FRY: variants seen among roughly 807,000 people sequenced by gnomAD.
FRY encodes FRY microtubule binding protein.
FRY carries 128 observed loss-of-function variants against 348.4 expected under a neutral mutation model. The ratio of observed to expected loss-of-function variants is 0.37; its 90% CI spans 0.32 to 0.43. The LOEUF (loss-of-function observed/expected upper bound fraction) is 0.43. FRY is among the 20% of genes least tolerant of loss of function. The probability of loss-of-function intolerance (pLI) is 1.00; values close to 1 mark genes in which losing one functional copy is unlikely to be tolerated. For missense variants in FRY, 2,736 were observed against 3,695.2 expected, an observed-to-expected ratio of 0.74 and a Z score of 6.73; for synonymous variants, 1,370 against 1,374.7, an observed-to-expected ratio of 1.00 and a Z score of 0.08.
At chr13:32,040,704 G>T (rs1246174119) in intron 1 of FRY, among the ~76,000 whole-genome samples, 1 of 152,162 alleles carries the variant, frequency 6.6e-6, no homozygotes, top group Non-Finnish European at 1.5e-5. Flanking sequence ...AATCTGAACA[G>T]GATTGTCTCC....
intron 2 of FRY, among the ~76,000 whole-genome samples, chr13:32,091,353 C>T (rs1451152099): frequency 2.0e-5 from 3 of 152,124 alleles, no homozygotes; most frequent in Admixed American, 1.3e-4. Context: ...AGTGGGGTGC[C>T]GATTACCCCT....
rs557606852 is a variant in FRY at position 32,133,487 on chromosome 13, G to C, written c.886-1417G>C. Reference sequence around the variant, plus strand: ...TCTATATACATGAATTAAGACTTGAGAGAGTATTACATACTTATGCAAAAT... The same window carrying C: ...TCTATATACATGAATTAAGACTTGACAGAGTATTACATACTTATGCAAAAT... On this transcript the variant is annotated intron_variant, in intron 8 of 60. Coordinates refer to ENST00000542859, the MANE Select transcript of FRY (RefSeq NM_023037.3). Among the ~76,000 whole-genome samples, 4 of 152,200 alleles carry C rather than the reference G, an allele frequency of 2.6e-5. No individual in the cohort carries two copies. In the South Asian group the frequency reaches 8.3e-4, roughly 32 times the overall value.
intron 56 of FRY, among the ~76,000 whole-genome samples, chr13:32,275,916 T>C (rs902921011): frequency 2.0e-5 from 3 of 151,664 alleles, no homozygotes; most frequent in Non-Finnish European, 1.5e-5. Flanking sequence ...GACAGAATCA[T>C]CACATGCTCA....
At chr13:32,145,152 A>G (rs914140421) in intron 11 of FRY, among the ~76,000 whole-genome samples, 2 of 152,198 alleles carry the variant, frequency 1.3e-5, no homozygotes, top group African/African-American at 4.8e-5. Context: ...CAGAAGAGAT[A>G]GGTTAGAGCC....
intron 3 of FRY, among the ~76,000 whole-genome samples, chr13:32,110,219 C>T (rs1048673041): frequency 2.6e-5 from 4 of 152,130 alleles, no homozygotes; most frequent in African/African-American, 4.8e-5. Context: ...AACAAAGCAG[C>T]GTGCTAGAAC....
intron 2 of FRY, among the ~76,000 whole-genome samples, chr13:32,092,503 A>G (rs1483324061): frequency 6.6e-6 from 1 of 152,226 alleles, no homozygotes; most frequent in African/African-American, 2.4e-5. Flanking sequence ...CTTCTTAGTT[A>G]GATGTGGACA....
chr13:32,232,073 A>G (rs1885946774), intron 41 of FRY, among the ~76,000 whole-genome samples: 1 of 152,224 alleles, frequency 6.6e-6, no homozygotes, highest in Non-Finnish European at 1.5e-5. Flanking sequence ...GAAATGGGAG[A>G]GTCATTTCTA....
chr13:32,072,627 C>A (rs759373225), intron 1 of FRY, among the ~76,000 whole-genome samples: 2 of 149,444 alleles, frequency 1.3e-5, no homozygotes, highest in Non-Finnish European at 2.9e-5. Context: ...CTTTAATGGA[C>A]AATTTGTTAT....
intron 40 of FRY, among the ~76,000 whole-genome samples, chr13:32,230,528 G>A (rs942566274): frequency 4.1e-4 from 62 of 152,210 alleles, no homozygotes; most frequent in African/African-American, 1.2e-3. Flanking sequence ...ACAGTATTCC[G>A]TGGTGTATAT....
At chr13:32,114,275 C>G (rs887554313) in intron 3 of FRY, among the ~76,000 whole-genome samples, 1 of 152,178 alleles carries the variant, frequency 6.6e-6, no homozygotes, top group Admixed American at 6.5e-5. Flanking sequence ...GCCAGTTTCC[C>G]CTGCTGCTAT....
intron 53 of FRY, among the ~76,000 whole-genome samples, chr13:32,262,982 A>C (rs1442895731): frequency 6.6e-6 from 1 of 152,272 alleles, no homozygotes; most frequent in Non-Finnish European, 1.5e-5. Flanking sequence ...AGATTCGCAC[A>C]AAACTCTTCT....
intron 27 of FRY, 61 bp from the exon 28 acceptor site, chr13:32,187,485 T>C: frequency 1.1e-6 from 1 of 951,528 alleles, no homozygotes; most frequent in Non-Finnish European, 1.7e-6. Context: ...ATAAAGTCAG[T>C]TGGATACCAT....
At chr13:32,270,362 T>C (rs1307561679) in intron 55 of FRY, among the ~76,000 whole-genome samples, 1 of 152,044 alleles carries the variant, frequency 6.6e-6, no homozygotes, top group Admixed American at 6.6e-5. Context: ...CATGCACCAC[T>C]ACGCCCAGCT....
At position 32,157,405 on chromosome 13, in the gene FRY, C is replaced by T. The variant is rs1166432701; in HGVS notation, c.1784C>T (p.Thr595Met). 3 of 1,612,610 alleles carry T rather than the reference C, an allele frequency of 1.9e-6. No individual in the cohort carries two copies. The highest frequency in any genetic ancestry group is 2.5e-6 in the Non-Finnish European group (3 of 1,178,910). Residue 595 changes from threonine to methionine, a missense_variant and splice_region_variant, in exon 16 of 61, where the codon ACG (threonine) becomes ATG (methionine). Around this residue, in one of 9 missense-constraint regions of FRY, gnomAD observed 191 missense variants for 370.2 expected, o/e 0.52. Transcript: ENST00000542859. ...AACAAAGAACCGGAAGACATGATCA[C>T]GTGAGTACAGTAAAGACTAAGTTAT... ...MLNKEPEDMI[T>M]GERKPKIDLF...
chr13:32,060,021 T>G (rs1034927128), intron 1 of FRY, among the ~76,000 whole-genome samples: 2 of 152,228 alleles, frequency 1.3e-5, no homozygotes, highest in African/African-American at 2.4e-5. Context: ...GTGAATTGTT[T>G]CAGTTCATCA....
intron 4 of FRY, among the ~76,000 whole-genome samples, chr13:32,121,445 G>GT (rs781724649): frequency 4.7e-4 from 72 of 152,022 alleles, no homozygotes; most frequent in African/African-American, 1.3e-3. Context: ...GGGTTTTTTT[G>GT]TTTTTTGTTT....
chr13:32,259,416 C>T (rs1887511728), intron 51 of FRY, among the ~76,000 whole-genome samples: 1 of 152,214 alleles, frequency 6.6e-6, no homozygotes, highest in Non-Finnish European at 1.5e-5. Flanking sequence ...CCCTGCCTCC[C>T]TATTTTCACA....
chr13:32,260,241 C>T (rs1887559317), intron 51 of FRY, among the ~76,000 whole-genome samples: 1 of 152,166 alleles, frequency 6.6e-6, no homozygotes, highest in South Asian at 2.1e-4. Flanking sequence ...TCACTGAGCT[C>T]TCATCAGAAA....
intron 29 of FRY, among the ~76,000 whole-genome samples, chr13:32,196,415 C>T (rs1417778145): frequency 6.6e-6 from 1 of 151,930 alleles, no homozygotes; most frequent in Non-Finnish European, 1.5e-5. Flanking sequence ...TTTAAATGTT[C>T]TTGTTGATTT....
Sources: gnomAD v4.1 joint callset for allele counts (sites outside exome capture counted in the v4.1 genomes callset) on GRCh38, gnomAD v4.1.1 for gene constraint, gnomAD v4.1.1 regional missense constraint, MANE v1.5 for transcripts, NCBI Gene and HGNC (gene_info 2026-07-23, HGNC 2026-07-21) for gene names.